The following ELOVL7 variants were observed in gnomAD, a reference collection of about 807,000 sequenced individuals.
The protein encoded by ELOVL7 is ELOVL fatty acid elongase 7, also known as very long chain fatty acid elongase 7.
ELOVL7 carries 27 observed loss-of-function variants against 35.7 expected under a neutral mutation model. That is an observed-to-expected ratio of 0.76 (90% CI 0.56 to 1.04). The LOEUF is 1.04. ELOVL7 is among the 50% of genes least tolerant of loss of function. ELOVL7 has a pLI of 0.00. For missense variants in ELOVL7, 327 were observed against 340.8 expected (o/e 0.96, Z 0.32); for synonymous variants, 113 against 114.6 (o/e 0.99, Z 0.09).
At chr5:60,766,668 A>G in intron 5 of ELOVL7, 38 bp from the exon 6 acceptor site, 1 of 1,568,582 alleles carries the variant, frequency 6.4e-7, no homozygotes, top group East Asian at 2.2e-5. Flanking sequence ...TATTTTGTAT[A>G]TGGAAGAAAA....
intron 2 of ELOVL7, among the ~76,000 whole-genome samples, chr5:60,787,769 A>G (rs933738326): frequency 6.6e-6 from 1 of 152,222 alleles, no homozygotes; most frequent in African/African-American, 2.4e-5. Context: ...CTGCACTTGA[A>G]GTGGCAAAGC....
intron 3 of ELOVL7, among the ~76,000 whole-genome samples, chr5:60,782,697 G>A (rs537748094): frequency 6.6e-5 from 10 of 152,130 alleles, no homozygotes; most frequent in African/African-American, 2.4e-4. Context: ...AGATAAACCA[G>A]GCACAAAAAG....
rs574790355 is a variant in ELOVL7, at chr5:60,828,406, T to C, written c.-86+15754A>G. ...CTACTACTGAAATTCTAAGAATAAA[T>C]GGATTTTCTCTGCTTTATTAATTTA... On this transcript the variant is annotated intron_variant, in intron 1 of 8. Coordinates refer to ENST00000508821, the MANE Select transcript of ELOVL7 (RefSeq NM_024930.3). Among the ~76,000 whole-genome samples, 30 of 152,296 alleles carry C rather than the reference T, an allele frequency of 2.0e-4. 1 individual carries two copies. In the South Asian group the frequency reaches 6.0e-3, roughly 31 times the overall value.
chr5:60,784,237 C>A, intron 3 of ELOVL7: 1 of 887,090 alleles, frequency 1.1e-6, no homozygotes, highest in South Asian at 2.2e-5. Flanking sequence ...AAACATGTAC[C>A]TTAAGTACTT....
At chr5:60,761,460 C>T (rs6449495) in intron 7 of ELOVL7, among the ~76,000 whole-genome samples, 151,241 of 152,254 alleles carry the variant, frequency 0.99, 75,115 homozygotes, top group East Asian at 1. Flanking sequence ...TGGACCTCAG[C>T]GCCAAACAAC....
intron 1 of ELOVL7, among the ~76,000 whole-genome samples, chr5:60,832,749 C>T (rs1746556469): frequency 6.6e-6 from 1 of 152,124 alleles, no homozygotes; most frequent in Non-Finnish European, 1.5e-5. Context: ...TCCAAAAATG[C>T]CACTTCCATG....
At chr5:60,809,595 A>G (rs1561459193) in intron 1 of ELOVL7, among the ~76,000 whole-genome samples, 1 of 152,252 alleles carries the variant, frequency 6.6e-6, no homozygotes, top group South Asian at 2.1e-4. Flanking sequence ...AGAAGATAGT[A>G]GAGTGAAGGA....
chr5:60,827,140 C>T (rs371084894), intron 1 of ELOVL7, among the ~76,000 whole-genome samples: 71 of 152,282 alleles, frequency 4.7e-4, no homozygotes, highest in African/African-American at 1.3e-3. Flanking sequence ...TGTAGTTACA[C>T]ACCTAAGCTA....
chr5:60,826,623 T>A (rs145468254), intron 1 of ELOVL7, among the ~76,000 whole-genome samples: 200 of 152,330 alleles, frequency 1.3e-3, no homozygotes, highest in African/African-American at 4.7e-3. Flanking sequence ...CTGCTCTTCT[T>A]ACTGTTTGTT....
chr5:60,762,659 T>C (rs573859030), intron 7 of ELOVL7, among the ~76,000 whole-genome samples: 1 of 152,246 alleles, frequency 6.6e-6, no homozygotes, highest in South Asian at 2.1e-4. Context: ...ATGGGAGAAA[T>C]CAGAATAAAT....
At chr5:60,818,878 G>C (rs1200453016) in intron 1 of ELOVL7, among the ~76,000 whole-genome samples, 2 of 151,120 alleles carry the variant, frequency 1.3e-5, no homozygotes, top group Non-Finnish European at 1.5e-5. Context: ...CATGGTGGTG[G>C]GCACCTGTAA....
intron 3 of ELOVL7, chr5:60,786,030 T>G (rs1173718290): frequency 6.6e-6 from 1 of 152,248 alleles, no homozygotes; most frequent in Non-Finnish European, 1.5e-5. Context: ...TTGCAATTTC[T>G]AGTTGATAGG....
intron 1 of ELOVL7, among the ~76,000 whole-genome samples, chr5:60,801,681 T>A (rs1441432705): frequency 6.6e-6 from 1 of 151,510 alleles, no homozygotes; most frequent in Non-Finnish European, 1.5e-5. Flanking sequence ...CCAGCCTGGG[T>A]GACAGAACAA....
intron 8 of ELOVL7, among the ~76,000 whole-genome samples, chr5:60,755,296 G>T (rs1741471923): frequency 6.6e-6 from 1 of 152,074 alleles, no homozygotes. Context: ...TAGAGCCCCT[G>T]GAATTTTTTA....
chr5:60,769,126 C>T (rs1318805273), intron 4 of ELOVL7, among the ~76,000 whole-genome samples: 1 of 152,112 alleles, frequency 6.6e-6, no homozygotes, highest in African/African-American at 2.4e-5. Context: ...AAAATTAAGA[C>T]TCAGAAAAGC....
At chr5:60,802,061 CATATATATATATATATATATATATATAT>C (rs59849955) in intron 1 of ELOVL7, among the ~76,000 whole-genome samples, 20 of 77,364 alleles carry the variant, frequency 2.6e-4, no homozygotes, top group South Asian at 1.6e-3. Flanking sequence ...AATAAACTCT[CATATATATATATATATATATATATATAT>C]ATATATATAT....
chr5:60,833,037 G>A (rs571853632), intron 1 of ELOVL7, among the ~76,000 whole-genome samples: 48 of 152,244 alleles, frequency 3.2e-4, no homozygotes, highest in South Asian at 2.1e-4. Context: ...TCGCCCTGCC[G>A]TATTCTACAG....
At chr5:60,781,669 C>T (rs1249990941) in intron 3 of ELOVL7, among the ~76,000 whole-genome samples, 1 of 152,110 alleles carries the variant, frequency 6.6e-6, no homozygotes, top group African/African-American at 2.4e-5. Flanking sequence ...TTATGGGAAA[C>T]ACTGGTTAAT....
intron 1 of ELOVL7, among the ~76,000 whole-genome samples, chr5:60,806,303 G>T (rs1451487894): frequency 6.6e-6 from 1 of 152,196 alleles, no homozygotes; most frequent in African/African-American, 2.4e-5. Flanking sequence ...TACAGCAGCT[G>T]TAGCAAACTA....
Sources: gnomAD v4.1 joint callset for allele counts (sites outside exome capture counted in the v4.1 genomes callset) on GRCh38, gnomAD v4.1.1 for gene constraint, MANE v1.5 for transcripts, NCBI Gene and HGNC (gene_info 2026-07-23, HGNC 2026-07-21) for gene names.